PLCL1: variants seen among roughly 807,000 people sequenced by gnomAD.
PLCL1 encodes the protein inactive phospholipase C-like protein 1.
Under a neutral mutation model 84.4 loss-of-function variants are expected in PLCL1, and 41 were observed. That is an observed-to-expected ratio of 0.49 (90% CI 0.38 to 0.63). The LOEUF is 0.63. Among genes scored for constraint, PLCL1 ranks in the 30% least tolerant of loss-of-function variants. The pLI is 0.00. For missense variants in PLCL1, 1,206 were observed against 1,367.8 expected (o/e 0.88, Z 1.87); for synonymous variants, 490 against 488.3 (o/e 1.00, Z -0.05).
chr2:197,835,411 G>T (rs1428127640), intron 1 of PLCL1, among the ~76,000 whole-genome samples: 1 of 152,050 alleles, frequency 6.6e-6, no homozygotes, highest in African/African-American at 2.4e-5. Context: ...CAGTATACAG[G>T]TCCATAACAT....
chr2:197,834,508 C>T (rs945835663), intron 1 of PLCL1, among the ~76,000 whole-genome samples: 14 of 152,194 alleles, frequency 9.2e-5, no homozygotes, highest in Admixed American at 2.6e-4. Flanking sequence ...AGACACTTCT[C>T]AAAAGAAGAC....
intron 1 of PLCL1, among the ~76,000 whole-genome samples, chr2:197,931,304 T>C: frequency 6.6e-6 from 1 of 152,196 alleles, no homozygotes; most frequent in Non-Finnish European, 1.5e-5. Flanking sequence ...AGCAGCATTC[T>C]GGAATAGTTG....
At chr2:197,991,756 C>A (rs541976833) in intron 1 of PLCL1, among the ~76,000 whole-genome samples, 1 of 152,176 alleles carries the variant, frequency 6.6e-6, no homozygotes, top group Admixed American at 6.5e-5. Flanking sequence ...GCTGAGAAGC[C>A]CTTCTCTTTC....
At chr2:197,923,217 A>G (rs1192796609) in intron 1 of PLCL1, among the ~76,000 whole-genome samples, 1 of 122,086 alleles carries the variant, frequency 8.2e-6, no homozygotes, top group African/African-American at 3.2e-5. Flanking sequence ...CTGACCCCCC[A>G]CCTCCCTCCC....
At chr2:197,935,435 T>C (rs575339124) in intron 1 of PLCL1, among the ~76,000 whole-genome samples, 1 of 152,086 alleles carries the variant, frequency 6.6e-6, no homozygotes, top group African/African-American at 2.4e-5. Flanking sequence ...TATGTAACCA[T>C]AAAAAGAACA....
intron 5 of PLCL1, among the ~76,000 whole-genome samples, chr2:198,124,427 A>G (rs908008235): frequency 1.1e-4 from 17 of 152,124 alleles, no homozygotes; most frequent in African/African-American, 3.9e-4. Context: ...GGGCCTGCAT[A>G]AAAAGCTGGG....
intron 1 of PLCL1, among the ~76,000 whole-genome samples, chr2:197,851,897 C>T (rs1687246399): frequency 6.6e-6 from 1 of 152,216 alleles, no homozygotes; most frequent in South Asian, 2.1e-4. Context: ...GATTGCATTT[C>T]TGTACCAATG....
intron 1 of PLCL1, among the ~76,000 whole-genome samples, chr2:198,077,525 CT>C (rs1404538356): frequency 6.6e-6 from 1 of 152,094 alleles, no homozygotes; most frequent in Non-Finnish European, 1.5e-5. Flanking sequence ...CTCTTCTTTT[CT>C]TTTAGGTCTT....
chr2:197,806,121 T>C (rs572283076), intron 1 of PLCL1, among the ~76,000 whole-genome samples: 1 of 152,276 alleles, frequency 6.6e-6, no homozygotes, highest in East Asian at 1.9e-4. Context: ...GAGCATGACT[T>C]TGGGGTAAGG....
At chr2:197,839,749 C>G (rs551097699) in intron 1 of PLCL1, among the ~76,000 whole-genome samples, 1 of 152,326 alleles carries the variant, frequency 6.6e-6, no homozygotes, top group South Asian at 2.1e-4. Flanking sequence ...TCCAGAGAGT[C>G]TTTAAGACCA....
intron 1 of PLCL1, among the ~76,000 whole-genome samples, chr2:197,864,792 A>G (rs191955105): frequency 6.6e-6 from 1 of 152,316 alleles, no homozygotes. Context: ...CTTTTAAAAA[A>G]ATCTTATTTC....
At chr2:198,013,935 G>C (rs1047812469) in intron 1 of PLCL1, among the ~76,000 whole-genome samples, 6 of 152,048 alleles carry the variant, frequency 3.9e-5, no homozygotes, top group Admixed American at 2.6e-4. Flanking sequence ...TTGAGCATGT[G>C]AGACTATAAA....
At chr2:197,951,846 A>G (rs1396613992) in intron 1 of PLCL1, among the ~76,000 whole-genome samples, 2 of 152,036 alleles carry the variant, frequency 1.3e-5, no homozygotes, top group Non-Finnish European at 2.9e-5. Flanking sequence ...AGGAACATGA[A>G]CTTGTGTTGG....
rs976703314 is a variant in PLCL1 at position 198,074,618 on chromosome 2, G to A, written c.241-9140G>A. Among the ~76,000 whole-genome samples the A allele has an allele frequency of 1.3e-5, 2 of 152,114 alleles. 1 individual carries two copies. Among genetic ancestry groups the A allele is most frequent in the African/African-American group, 4.8e-5 (2 of 41,436 alleles). On this transcript the variant is annotated intron_variant, in intron 1 of 5. Coordinates refer to ENST00000428675, the MANE Select transcript of PLCL1 (RefSeq NM_006226.4). ...CGAGCCACTGCACTCCAGCCTGAGCGACAGAGCGAGACTCCGTCTCAAAAA... is the reference window on the plus strand; with the variant it reads ...CGAGCCACTGCACTCCAGCCTGAGCAACAGAGCGAGACTCCGTCTCAAAAA...
At chr2:198,070,693 A>G (rs1015090289) in intron 1 of PLCL1, among the ~76,000 whole-genome samples, 3 of 151,956 alleles carry the variant, frequency 2.0e-5, no homozygotes, top group African/African-American at 7.2e-5. Flanking sequence ...TATTTTAATA[A>G]AAATAATTTC....
chr2:197,940,088 C>A (rs956443296), intron 1 of PLCL1, among the ~76,000 whole-genome samples: 1 of 151,954 alleles, frequency 6.6e-6, no homozygotes, highest in Non-Finnish European at 1.5e-5. Flanking sequence ...AAGCATATTT[C>A]TTACCTTTCT....
intron 1 of PLCL1, among the ~76,000 whole-genome samples, chr2:198,005,654 G>A (rs1226208603): frequency 6.6e-6 from 1 of 152,184 alleles, no homozygotes; most frequent in Admixed American, 6.5e-5. Context: ...AAAAGTATGC[G>A]GCACTGTGAA....
intron 1 of PLCL1, among the ~76,000 whole-genome samples, chr2:197,815,637 C>T (rs962944724): frequency 6.6e-5 from 10 of 152,072 alleles, no homozygotes; most frequent in African/African-American, 1.4e-4. Context: ...GGAAAGGATT[C>T]ACCATTCCAG....
At chr2:197,850,954 G>T (rs899353474) in intron 1 of PLCL1, among the ~76,000 whole-genome samples, 1 of 152,046 alleles carries the variant, frequency 6.6e-6, no homozygotes, top group Non-Finnish European at 1.5e-5. Flanking sequence ...CTTATATACC[G>T]TTTGCTCTCC....
Sources: allele counts gnomAD v4.1 joint callset (sites outside exome capture counted in the v4.1 genomes callset), GRCh38; gene constraint gnomAD v4.1.1; transcripts MANE v1.5; gene names NCBI Gene and HGNC (gene_info 2026-07-23, HGNC 2026-07-21).